Variants in MAP3K5 observed in about 807,000 individuals in gnomAD.
The protein encoded by MAP3K5 is ASK-1.
MAP3K5 carries 56 observed loss-of-function variants against 158.7 expected under a neutral mutation model. The observed-to-expected ratio is 0.35, with a 90% CI of 0.28 to 0.44. MAP3K5 has a LOEUF of 0.44. Ranked by LOEUF, MAP3K5 falls within the 20% of genes least tolerant of loss-of-function variation. MAP3K5 has a pLI of 1.00. For missense variants in MAP3K5, 1,294 were observed against 1,674.8 expected (o/e 0.77, Z 3.97); for synonymous variants, 579 against 601.7 (o/e 0.96, Z 0.55).
chr6:136,648,228 C>T (rs961201072), intron 11 of MAP3K5, among the ~76,000 whole-genome samples: 2 of 152,188 alleles, frequency 1.3e-5, no homozygotes, highest in African/African-American at 4.8e-5. Context: ...ATACAATTGA[C>T]ACTTCTAATA....
intron 8 of MAP3K5, among the ~76,000 whole-genome samples, chr6:136,660,947 CT>C (rs80182404): frequency 0.045 from 6,535 of 144,680 alleles, 238 homozygotes; most frequent in African/African-American, 0.11. Flanking sequence ...CACAAAACAG[CT>C]TTTTTTTTTT....
intron 21 of MAP3K5, among the ~76,000 whole-genome samples, chr6:136,593,397 T>G (rs909093875): frequency 1.3e-5 from 2 of 151,946 alleles, no homozygotes; most frequent in African/African-American, 4.8e-5. Flanking sequence ...GAAGAAAGAG[T>G]AGGAGGATCT....
At chr6:136,790,772 T>C (rs1276188758) in intron 1 of MAP3K5, among the ~76,000 whole-genome samples, 1 of 152,230 alleles carries the variant, frequency 6.6e-6, no homozygotes, top group Non-Finnish European at 1.5e-5. Context: ...AACATAAATA[T>C]GTATATATTC....
intron 2 of MAP3K5, among the ~76,000 whole-genome samples, chr6:136,714,940 A>G (rs1382462558): frequency 2.0e-5 from 3 of 152,204 alleles, no homozygotes; most frequent in African/African-American, 7.2e-5. Context: ...TGTGTTCTGT[A>G]TACAGTGAGA....
chr6:136,790,356 T>A (rs923579901), intron 1 of MAP3K5, among the ~76,000 whole-genome samples: 2 of 152,214 alleles, frequency 1.3e-5, no homozygotes, highest in Non-Finnish European at 2.9e-5. Flanking sequence ...TCCTCTCATA[T>A]CTTTTAGTTC....
At chr6:136,751,150 C>CCT (rs1783189728) in intron 1 of MAP3K5, among the ~76,000 whole-genome samples, 1 of 138,566 alleles carries the variant, frequency 7.2e-6, no homozygotes, top group Non-Finnish European at 1.6e-5. Flanking sequence ...GCTCTGGCTG[C>CCT]TTTTTTTTTT....
intron 1 of MAP3K5, among the ~76,000 whole-genome samples, chr6:136,739,221 G>C (rs1366569694): frequency 6.6e-6 from 1 of 152,176 alleles, no homozygotes; most frequent in African/African-American, 2.4e-5. Flanking sequence ...GTGCTGACCA[G>C]GCATTACAAA....
intron 25 of MAP3K5, among the ~76,000 whole-genome samples, chr6:136,575,235 C>T (rs865888700): frequency 6.6e-6 from 1 of 150,596 alleles, no homozygotes; most frequent in African/African-American, 2.4e-5. Context: ...AATCTCAGCT[C>T]ACTGTGGCCT....
intron 1 of MAP3K5, among the ~76,000 whole-genome samples, chr6:136,724,826 G>A (rs138750507): frequency 5.5e-4 from 84 of 152,116 alleles, no homozygotes; most frequent in African/African-American, 2.0e-3. Flanking sequence ...TGTCTCTGAT[G>A]TACAGTCTAA....
chr6:136,625,142 C>CT (rs796953162), intron 14 of MAP3K5, among the ~76,000 whole-genome samples: 18 of 150,928 alleles, frequency 1.2e-4, no homozygotes, highest in East Asian at 1.9e-4. Context: ...AATTTGTCTG[C>CT]TTTTTTTTTG....
At chr6:136,789,253 C>T (rs1007449751) in intron 1 of MAP3K5, among the ~76,000 whole-genome samples, 4 of 152,184 alleles carry the variant, frequency 2.6e-5, no homozygotes, top group Non-Finnish European at 5.9e-5. Flanking sequence ...GAGCTAGCAG[C>T]GAACCATGAT....
chr6:136,696,604 G>T (rs1780609729), intron 5 of MAP3K5, among the ~76,000 whole-genome samples: 1 of 152,160 alleles, frequency 6.6e-6, no homozygotes, highest in Non-Finnish European at 1.5e-5. Context: ...GGAGAAACCA[G>T]ATGTCATTTA....
chr6:136,648,456 C>T (rs1043754603), intron 11 of MAP3K5, among the ~76,000 whole-genome samples: 1 of 152,102 alleles, frequency 6.6e-6, no homozygotes, highest in Non-Finnish European at 1.5e-5. Context: ...CTGAAAGATG[C>T]TGCTCGGTAT....
chr6:136,790,921 T>C lies in MAP3K5; in HGVS notation c.448+789A>G, dbSNP rs765990161. On this transcript the variant is annotated intron_variant, in intron 1 of 29. Transcript: ENST00000359015. ...AATTTGAGATAGGTTGAAAGATACA[T>C]TTCTTTCATGGATTATGCTAGCAAT... 4.7e-4 allele frequency among the ~76,000 whole-genome samples: 71 copies of C among 152,242 alleles called. 1 individual carries two copies. Among genetic ancestry groups the C allele is most frequent in the Admixed American group, 1.3e-4 (2 of 15,288 alleles).
intron 7 of MAP3K5, among the ~76,000 whole-genome samples, chr6:136,691,897 C>A (rs1389465148): frequency 6.6e-6 from 1 of 152,020 alleles, no homozygotes; most frequent in Non-Finnish European, 1.5e-5. Flanking sequence ...TTCATCTTTT[C>A]AAGTAGATTC....
chr6:136,748,449 C>A (rs1234229049), intron 1 of MAP3K5, among the ~76,000 whole-genome samples: 1 of 152,022 alleles, frequency 6.6e-6, no homozygotes, highest in Non-Finnish European at 1.5e-5. Context: ...GTTAAAATCC[C>A]CCAAAATGTC....
At chr6:136,723,495 A>C (rs2114792538) in intron 1 of MAP3K5, among the ~76,000 whole-genome samples, 1 of 152,304 alleles carries the variant, frequency 6.6e-6, no homozygotes, top group Non-Finnish European at 1.5e-5. Flanking sequence ...GCTGTGTTAT[A>C]GGGATTATGA....
chr6:136,648,071 G>A lies in MAP3K5; in HGVS notation c.1788+2913C>T, dbSNP rs553712408. On this transcript the variant is annotated intron_variant, in intron 11 of 29. Transcript: ENST00000359015. ...TGCTGGGGCAATGACTTCTTTCAAA[G>A]TCTTCCCTCTATTTACTGCACTCAT... 7.2e-5 allele frequency: 11 copies of A among 152,298 alleles called. No individual in the cohort carries two copies. In the East Asian group the frequency reaches 2.1e-3, roughly 29 times the overall value. The allele number at this position is 152,298 out of a possible 1,614,324, so 9.4% of individuals were successfully genotyped here.
intron 7 of MAP3K5, among the ~76,000 whole-genome samples, chr6:136,681,792 G>A (rs564740826): frequency 1.0e-3 from 153 of 152,188 alleles, no homozygotes; most frequent in Non-Finnish European, 1.8e-3. Context: ...GGTGGCGGGC[G>A]CCTGTAGTCC....
Sources: allele counts gnomAD v4.1 joint callset (sites outside exome capture counted in the v4.1 genomes callset), GRCh38; gene constraint gnomAD v4.1.1; transcripts MANE v1.5; gene names NCBI Gene and HGNC (gene_info 2026-07-23, HGNC 2026-07-21).